MS4A4E: variants seen among roughly 807,000 people sequenced by gnomAD.
MS4A4E encodes the protein membrane spanning 4-domains A4E.
A neutral mutation model predicts 13.3 loss-of-function variants in MS4A4E; 23 were observed. That is an observed-to-expected ratio of 1.73 (90% CI 1.25 to 2.45). MS4A4E has a LOEUF of 2.45. Ranked by LOEUF, MS4A4E falls within the 30% of genes most tolerant of loss-of-function variation. The pLI is 0.00. For missense variants in MS4A4E, 144 were observed against 131.2 expected (o/e 1.10, Z -0.48); for synonymous variants, 36 against 45.6 (o/e 0.79, Z 0.85).
At chr11:60,234,942 A>C (rs1344084197) in intron 1 of MS4A4E, among the ~76,000 whole-genome samples, 1 of 152,164 alleles carries the variant, frequency 6.6e-6, no homozygotes, top group Admixed American at 6.5e-5. Context: ...GAAAAAACAC[A>C]GGCTGAAAGT....
intron 5 of MS4A4E, among the ~76,000 whole-genome samples, chr11:60,210,701 G>A (rs1286489509): frequency 6.6e-6 from 1 of 151,812 alleles, no homozygotes; most frequent in Non-Finnish European, 1.5e-5. Flanking sequence ...TGTCTACCAG[G>A]GTGCCAACCC....
chr11:60,206,454 T>G (rs1004120638), intron 6 of MS4A4E, among the ~76,000 whole-genome samples: 4 of 134,680 alleles, frequency 3.0e-5, no homozygotes, highest in African/African-American at 1.2e-4. Flanking sequence ...AACAAAATTT[T>G]GAATATATAC....
intron 1 of MS4A4E, among the ~76,000 whole-genome samples, chr11:60,237,350 G>C (rs1244506629): frequency 6.6e-6 from 1 of 152,080 alleles, no homozygotes; most frequent in African/African-American, 2.4e-5. Context: ...GCCTACTATT[G>C]ATGGGCATTT....
At position 60,201,771 on chromosome 11, in the gene MS4A4E, T is replaced by A. The variant is rs970249078; in HGVS notation, c.768A>T (p.Arg256Ser). 16 of 225,194 alleles carry A rather than the reference T, an allele frequency of 7.1e-5. No individual in the cohort carries two copies. The highest frequency in any genetic ancestry group is 1.4e-4 in the Non-Finnish European group (15 of 110,430). 13.9% of individuals were successfully genotyped at this position (225,194 alleles called of 1,614,324 possible). The change falls in exon 9 of 9, where the codon AGA (arginine) becomes AGT (serine). Residue 256 changes from arginine (R) to serine (S), a missense_variant. By Grantham distance (110) the Arg-to-Ser change is moderately radical (BLOSUM62 -1). Transcript: ENST00000651255. The part of the protein sequence containing the change: ...SRLPWPPKVP[R>S]VQPLPGRHPV... ...GGTGGCGGCCGGGCAGAGGCTGCAC[T>A]CTCGGCACTTTGGGAGGCCAAGGCA...
chr11:60,208,787 C>T, intron 5 of MS4A4E, 93 bp from the exon 6 acceptor site: 1 of 504,160 alleles, frequency 2.0e-6, no homozygotes, highest in East Asian at 3.3e-5. Flanking sequence ...AGAAAAAGCA[C>T]TGGCTGGGAG....
At chr11:60,216,732 T>C (rs899366989) in intron 3 of MS4A4E, among the ~76,000 whole-genome samples, 1 of 152,062 alleles carries the variant, frequency 6.6e-6, no homozygotes, top group African/African-American at 2.4e-5. Context: ...ATGCAAAGTA[T>C]TGTTCCTGGG....
chr11:60,241,954 A>G (rs772397329), intron 1 of MS4A4E, among the ~76,000 whole-genome samples: 9 of 152,134 alleles, frequency 5.9e-5, no homozygotes, highest in African/African-American at 1.2e-4. Flanking sequence ...GTGGATCAGC[A>G]GCACCAGCAG....
chr11:60,208,991 A>G, intron 5 of MS4A4E: 2 of 169,444 alleles, frequency 1.2e-5, no homozygotes, highest in East Asian at 1.6e-4. Flanking sequence ...GATAATTGTC[A>G]TCATATCCTA....
intron 3 of MS4A4E, among the ~76,000 whole-genome samples, chr11:60,225,774 T>G (rs1339934614): frequency 6.6e-6 from 1 of 151,064 alleles, no homozygotes; most frequent in African/African-American, 2.4e-5. Context: ...AAACTCCAAG[T>G]AAGCGGAAGA....
chr11:60,229,754 T>C (rs2084384504), intron 2 of MS4A4E, among the ~76,000 whole-genome samples, 158 bp downstream of exon 2: 1 of 152,214 alleles, frequency 6.6e-6, no homozygotes, highest in South Asian at 2.1e-4. Flanking sequence ...TAGAATATTA[T>C]ATATTTTTTC....
intron 3 of MS4A4E, among the ~76,000 whole-genome samples, chr11:60,226,863 G>A (rs561259859): frequency 2.0e-5 from 3 of 152,004 alleles, no homozygotes; most frequent in Admixed American, 1.3e-4. Context: ...CACAGATGAC[G>A]TGATTGTCTG....
At chr11:60,242,730 C>T (rs1042697945) in intron 1 of MS4A4E, among the ~76,000 whole-genome samples, 11 of 152,156 alleles carry the variant, frequency 7.2e-5, no homozygotes, top group Non-Finnish European at 1.3e-4. Context: ...CTTTAGGAGG[C>T]TTTTCTAACT....
Position 60,229,903 on chromosome 11 carries a change from T to C in MS4A4E, c.144+9A>G, listed in dbSNP as rs761318964. On this transcript the variant is annotated intron_variant, in intron 2 of 8. Transcript: ENST00000651255. Reference sequence around the variant, plus strand: ...TATTGGTCTTCTCCCAGATTTGCAATTGACTTACCCCAAGGACTTTGGGTT... The same window carrying C: ...TATTGGTCTTCTCCCAGATTTGCAACTGACTTACCCCAAGGACTTTGGGTT... 1.3e-6 allele frequency: 2 copies of C among 1,591,908 alleles called. No individual in the cohort carries two copies. The highest frequency in any genetic ancestry group is 2.3e-5 in the East Asian group (1 of 44,224).
At chr11:60,232,633 T>C (rs2084426854) in intron 1 of MS4A4E, among the ~76,000 whole-genome samples, 1 of 151,978 alleles carries the variant, frequency 6.6e-6, no homozygotes, top group South Asian at 2.1e-4. Flanking sequence ...CTGACAGAGC[T>C]ACCTGAAGTC....
chr11:60,214,187 T>A (rs1187492027), intron 4 of MS4A4E, among the ~76,000 whole-genome samples: 1 of 152,164 alleles, frequency 6.6e-6, no homozygotes, highest in Non-Finnish European at 1.5e-5. Context: ...ATTACAGGCA[T>A]GAGCCACCGC....
intron 3 of MS4A4E, among the ~76,000 whole-genome samples, chr11:60,216,244 C>T (rs2084190582): frequency 6.6e-6 from 1 of 152,152 alleles, no homozygotes; most frequent in Admixed American, 6.5e-5. Flanking sequence ...ACAAACACAG[C>T]TCCTGCAGTT....
At chr11:60,223,979 C>G (rs1283283122) in intron 3 of MS4A4E, among the ~76,000 whole-genome samples, 1 of 152,174 alleles carries the variant, frequency 6.6e-6, no homozygotes, top group African/African-American at 2.4e-5. Context: ...TTCACTTCCG[C>G]TGTACACGAG....
intron 3 of MS4A4E, among the ~76,000 whole-genome samples, 187 bp downstream of exon 3, chr11:60,228,407 C>A (rs1168568519): frequency 6.6e-6 from 1 of 152,084 alleles, no homozygotes; most frequent in Non-Finnish European, 1.5e-5. Context: ...GGACTACACA[C>A]CTATTAGAAT....
rs556719466 is a variant in MS4A4E at position 60,232,321 on chromosome 11, A to ACACC, written c.-16-2251_-16-2250insGGTG. Among the ~76,000 whole-genome samples, 610 of 147,416 alleles carry ACACC rather than the reference A, an allele frequency of 4.1e-3. 6 individuals are homozygous for ACACC. Among genetic ancestry groups the ACACC allele is most frequent in the East Asian group, 0.014 (70 of 5,044 alleles). On this transcript the variant is annotated intron_variant, in intron 1 of 8. Transcript: ENST00000651255. ...CACACACACACACACACACACACACACCAAAAATGAATAAACAACTACATT... is the reference window on the plus strand; with the variant it reads ...CACACACACACACACACACACACACACACCCCAAAAATGAATAAACAACTACATT...
Sources: gnomAD v4.1 joint callset for allele counts (sites outside exome capture counted in the v4.1 genomes callset) on GRCh38, gnomAD v4.1.1 for gene constraint, MANE v1.5 for transcripts, NCBI Gene and HGNC (gene_info 2026-07-23, HGNC 2026-07-21) for gene names.